RBFOX1: variants seen among roughly 807,000 people sequenced by gnomAD.
The protein encoded by RBFOX1 is RNA binding fox-1 homolog 1.
RBFOX1 carries 8 observed loss-of-function variants against 57.7 expected under a neutral mutation model. That is an observed-to-expected ratio of 0.14 (90% CI 0.08 to 0.25). The LOEUF (loss-of-function observed/expected upper bound fraction) is 0.25. Among genes scored for constraint, RBFOX1 ranks in the 10% least tolerant of loss-of-function variants. The probability of loss-of-function intolerance (pLI) is 1.00; values close to 1 mark genes in which losing one functional copy is unlikely to be tolerated. For missense variants in RBFOX1, 611 were observed against 548.5 expected (o/e 1.11, Z -1.14); for synonymous variants, 326 against 222.4 (o/e 1.47, Z -4.15).
intron 1 of RBFOX1, chr16:5,270,855 T>C (rs1266425377): frequency 1.2e-5 from 5 of 418,152 alleles, no homozygotes; most frequent in African/African-American, 4.2e-5. Flanking sequence ...TGGAGCTTCA[T>C]GGTGAAGGTA....
chr16:6,509,837 A>C (rs2096211629), intron 2 of RBFOX1, among the ~76,000 whole-genome samples: 1 of 152,194 alleles, frequency 6.6e-6, no homozygotes, highest in Non-Finnish European at 1.5e-5. Context: ...CCAAACATGA[A>C]AAATATAAAA....
chr16:7,479,720 G>C (rs917995249), intron 4 of RBFOX1, among the ~76,000 whole-genome samples: 3 of 152,118 alleles, frequency 2.0e-5, no homozygotes, highest in African/African-American at 4.8e-5. Context: ...CCTGGAGGGG[G>C]GGCAGGTGTA....
chr16:7,160,186 C>G (rs1389718608), intron 4 of RBFOX1, among the ~76,000 whole-genome samples: 2 of 151,206 alleles, frequency 1.3e-5, no homozygotes, highest in South Asian at 2.1e-4. Flanking sequence ...CTTCATATGA[C>G]TTTTGACTTT....
chr16:6,535,821 C>T (rs1032521982), intron 2 of RBFOX1, among the ~76,000 whole-genome samples: 1 of 152,190 alleles, frequency 6.6e-6, no homozygotes, highest in African/African-American at 2.4e-5. Flanking sequence ...TACACAAGCT[C>T]AGTTTCTCCC....
intron 1 of RBFOX1, among the ~76,000 whole-genome samples, chr16:5,430,002 A>G (rs2067680579): frequency 6.6e-6 from 1 of 152,192 alleles, no homozygotes; most frequent in Non-Finnish European, 1.5e-5. Flanking sequence ...GGCTGTTACT[A>G]TCTCAAGAAC....
chr16:6,663,325 T>A (rs527943073), intron 3 of RBFOX1, among the ~76,000 whole-genome samples: 49 of 151,810 alleles, frequency 3.2e-4, no homozygotes, highest in African/African-American at 1.2e-3. Flanking sequence ...AAGAAAGGAG[T>A]TGATCAACAC....
intron 4 of RBFOX1, among the ~76,000 whole-genome samples, chr16:7,141,309 G>A (rs547492219): frequency 5.3e-5 from 8 of 152,254 alleles, no homozygotes; most frequent in African/African-American, 1.9e-4. Context: ...ATTCACCCAC[G>A]GAATACCAGA....
chr16:5,433,724 C>T (rs1428031345), intron 1 of RBFOX1, among the ~76,000 whole-genome samples: 1 of 152,192 alleles, frequency 6.6e-6, no homozygotes, highest in Non-Finnish European at 1.5e-5. Context: ...TTTCCCTCTC[C>T]TTTCCTCCCC....
chr16:6,193,368 A>ATATACACAT lies in RBFOX1; in HGVS notation c.-126-123623_-126-123622insCACATTATA, dbSNP rs1567650544. 3.1e-3 allele frequency among the ~76,000 whole-genome samples: 358 copies of ATATACACAT among 114,262 alleles called. 6 individuals carry two copies. The highest frequency in any genetic ancestry group is 0.011 in the African/African-American group (338 of 29,928). The allele number at this position is 114,262 out of a possible 152,430, so 75.0% of individuals were successfully genotyped here. A position where few individuals can be genotyped will look rare whatever the true frequency, so the allele number is the denominator to read the frequency against. On this transcript the variant is annotated intron_variant, in intron 1 of 15. Coordinates refer to ENST00000550418, the MANE Select transcript of RBFOX1 (RefSeq NM_018723.4). ...ACATATATATACATTATATATATAT[A>ATATACACAT]TATATATACATTATATATATATACT... is the stretch of plus-strand genomic sequence containing the variant.
intron 3 of RBFOX1, among the ~76,000 whole-genome samples, chr16:6,861,797 C>A (rs967468452): frequency 6.6e-6 from 1 of 150,764 alleles, no homozygotes; most frequent in African/African-American, 2.4e-5. Flanking sequence ...CATACACTCC[C>A]CCTCTTTCCT....
chr16:5,241,423 C>G (rs554565266), intron 1 of RBFOX1, among the ~76,000 whole-genome samples: 1 of 152,334 alleles, frequency 6.6e-6, no homozygotes, highest in South Asian at 2.1e-4. Flanking sequence ...CTCTCACTCC[C>G]TCTACCTCCC....
At chr16:7,355,111 C>G (rs778278763) in intron 4 of RBFOX1, among the ~76,000 whole-genome samples, 3 of 152,176 alleles carry the variant, frequency 2.0e-5, no homozygotes, top group African/African-American at 4.8e-5. Context: ...CGCTATCACC[C>G]AAGCTTTGAA....
intron 2 of RBFOX1, among the ~76,000 whole-genome samples, chr16:6,637,358 A>ATAATATACAAATATATATTATATGTT (rs1567986548): frequency 3.4e-5 from 1 of 29,318 alleles, no homozygotes; most frequent in Non-Finnish European, 6.3e-5. Context: ...TTATATATTA[A>ATAATATACAAATATATATTATATGTT]ATATATATAA....
intron 4 of RBFOX1, among the ~76,000 whole-genome samples, chr16:7,134,956 G>T (rs146758344): frequency 6.6e-6 from 1 of 151,154 alleles, no homozygotes; most frequent in Non-Finnish European, 1.5e-5. Flanking sequence ...GATTAGCCGC[G>T]TTCCAAGAGA....
intron 2 of RBFOX1, among the ~76,000 whole-genome samples, chr16:6,599,836 C>T (rs1219072354): frequency 6.6e-6 from 1 of 152,166 alleles, no homozygotes. Context: ...GCTTAGAGAG[C>T]TGTGAGCATT....
At chr16:6,391,959 T>A (rs1157356164) in intron 2 of RBFOX1, among the ~76,000 whole-genome samples, 2 of 152,160 alleles carry the variant, frequency 1.3e-5, no homozygotes, top group Admixed American at 1.3e-4. Flanking sequence ...TCAGGGAAGA[T>A]TGCTCAGAGG....
At chr16:7,681,569 C>T (rs558514093) in intron 14 of RBFOX1, among the ~76,000 whole-genome samples, 9 of 151,998 alleles carry the variant, frequency 5.9e-5, no homozygotes, top group South Asian at 2.1e-4. Context: ...AGTTCTTATC[C>T]GATGATATAT....
chr16:7,159,632 T>C (rs979887451), intron 4 of RBFOX1, among the ~76,000 whole-genome samples: 1 of 152,186 alleles, frequency 6.6e-6, no homozygotes, highest in African/African-American at 2.4e-5. Context: ...GCTTATCGTG[T>C]GTGTTTGTGC....
intron 14 of RBFOX1, chr16:7,693,498 A>G (rs146277927): frequency 1.4e-4 from 100 of 692,686 alleles, no homozygotes; most frequent in Middle Eastern, 1.4e-3. Flanking sequence ...AAAAGATCTT[A>G]TATCTTTGGA....
Sources: gnomAD v4.1 joint callset for allele counts (sites outside exome capture counted in the v4.1 genomes callset) on GRCh38, gnomAD v4.1.1 for gene constraint, MANE v1.5 for transcripts, NCBI Gene and HGNC (gene_info 2026-07-23, HGNC 2026-07-21) for gene names.